The following DDX55 variants were observed in gnomAD, a reference collection of about 807,000 sequenced individuals.
DDX55 encodes ATP-dependent RNA helicase DDX55.
DDX55 carries 56 observed loss-of-function variants against 69.2 expected under a neutral mutation model. The observed-to-expected ratio is 0.81, with a 90% confidence interval of 0.65 to 1.01. The LOEUF (loss-of-function observed/expected upper bound fraction) is 1.01, where lower values mean the gene tolerates loss of function less well. Ranked by LOEUF, DDX55 falls within the 50% of genes least tolerant of loss-of-function variation. The pLI, the probability that DDX55 is intolerant of heterozygous loss-of-function variation, is 0.00. For synonymous variants in DDX55, 268 were observed against 273.1 expected (o/e 0.98, Z 0.18); for missense variants, 720 against 745.1 (o/e 0.97, Z 0.39).
intron 1 of DDX55, among the ~76,000 whole-genome samples, chr12:123,603,373 A>AC (rs1555276318): frequency 6.7e-6 from 1 of 149,720 alleles, no homozygotes; most frequent in Non-Finnish European, 1.5e-5. Context: ...AAAAGACTAC[A>AC]GGACCTGAGG....
At chr12:123,608,500 C>T in intron 5 of DDX55, 180 bp from the exon 6 acceptor site, 1 of 681,780 alleles carries the variant, frequency 1.5e-6, no homozygotes, top group Non-Finnish European at 2.4e-6. Flanking sequence ...GAACCCAGAT[C>T]CCGTCTCACC....
At chr12:123,610,172 G>C in intron 7 of DDX55, 44 bp downstream of exon 7, 1 of 1,575,888 alleles carries the variant, frequency 6.3e-7, no homozygotes, top group Non-Finnish European at 8.6e-7. Context: ...AATGACCAGT[G>C]CTCATTTTAT....
In DDX55 at chr12:123,619,509, T is replaced by C. The variant is rs150436022; in HGVS notation, c.1411T>C (p.Phe471Leu). The C allele has an allele frequency of 1.2e-6, 2 of 1,613,984 alleles. No homozygotes were observed. Among genetic ancestry groups the C allele is most frequent in the Non-Finnish European group, 8.5e-7 (1 of 1,179,948 alleles). Reference sequence around the variant, plus strand: ...GATGCCAGAATTGAGAGGAAAGCAGTTTCCAGATTTTGTGCCCGTGGACGT... The same window carrying C: ...GATGCCAGAATTGAGAGGAAAGCAGCTTCCAGATTTTGTGCCCGTGGACGT... ...PKMPELRGKQ[F>L]PDFVPVDVNT... Residue 471 changes from phenylalanine (F) to leucine (L), a missense_variant, in exon 13 of 14, where the codon TTT becomes CTT. Coordinates refer to ENST00000238146, the MANE Select transcript of DDX55 (RefSeq NM_020936.3).
rs772027304 is a variant in DDX55 at position 123,615,212 on chromosome 12, G to A, written c.852G>A (p.Gly284=). ...FSTCACVEYY[G]KALEVLVKGV... ...CCTGTGCCTGTGTGGAATACTATGG[G>A]AAGGCTCTGGAAGTGCTGGTGAAGG... Residue 284 remains glycine, a synonymous_variant, in exon 9 of 14, where the codon GGG becomes GGA. Transcript: ENST00000238146. 17 of 1,614,126 alleles carry A rather than the reference G, an allele frequency of 1.1e-5. No homozygotes were observed. The highest frequency in any genetic ancestry group is 1.7e-5 in the Admixed American group (1 of 60,028).
chr12:123,613,730 C>T (rs1442401452), intron 8 of DDX55, among the ~76,000 whole-genome samples: 1 of 152,204 alleles, frequency 6.6e-6, no homozygotes, highest in Non-Finnish European at 1.5e-5. Flanking sequence ...AAAAGTGGGT[C>T]ACGTGGTGGC....
chr12:123,620,624 ATAT>A lies in DDX55; in HGVS notation c.*485_*487del, dbSNP rs1566211722. ...TATATATATATATATATATATATAT[ATAT>A]AAGCTCTTTTTTCTGAGGCTATTTT... On this transcript the variant is annotated 3_prime_UTR_variant, in exon 14 of 14. Transcript: ENST00000238146. The A allele has an allele frequency of 4.7e-3, 492 of 104,972 alleles. 10 individuals carry two copies. The highest frequency in any genetic ancestry group is 9.8e-3 in the Middle Eastern group (2 of 204). 6.5% of individuals were successfully genotyped at this position (104,972 alleles called of 1,614,324 possible).
Position 123,616,569 on chromosome 12 carries a change from T to C in DDX55, c.1015T>C (p.Trp339Arg). The C allele has an allele frequency of 3.1e-6, 5 of 1,614,178 alleles. No individual in the cohort carries two copies. The highest frequency in any genetic ancestry group is 4.2e-6 in the Non-Finnish European group (5 of 1,180,026). Residue 339 changes from tryptophan to arginine, a missense_variant, in exon 10 of 14, where the codon TGG becomes CGG. Transcript: ENST00000238146. ...GGGAATTGATATTCCTGAAGTCAAC[T>C]GGGTTTTGCAGTATGACCCTCCCAG... ...ARGIDIPEVN[W>R]VLQYDPPSNA...
chr12:123,617,880 G>T lies in DDX55; in HGVS notation c.1164+8G>T, dbSNP rs1423375887. 2 of 1,597,348 alleles carry T rather than the reference G, an allele frequency of 1.3e-6. No homozygotes were observed. The highest frequency in any genetic ancestry group is 1.7e-6 in the Non-Finnish European group (2 of 1,169,928). ...CTTGCAATTAACCAAAAAGTAAGCT[G>T]CCGTCCGTTTTCAGATAGAATGCCT... On this transcript the variant is annotated splice_region_variant and intron_variant, in intron 11 of 13. Transcript: ENST00000238146.
Position 123,606,128 on chromosome 12 carries a change from T to TAA in DDX55, c.215_216insAA (p.Arg74GlufsTer6), listed in dbSNP as rs769213957. On this transcript the variant is annotated frameshift_variant, in exon 3 of 14. Transcript: ENST00000238146. LOFTEE classifies it high-confidence loss of function. ...GTCATCCCCATCCTGGAAATTCTTC[T>TAA]GAGAAGAGAAGAGAAGTTAAAAAAG... 1 of 1,614,110 alleles carries TAA rather than the reference T, an allele frequency of 6.2e-7. No individual in the cohort carries two copies. The highest frequency in any genetic ancestry group is 8.5e-7 in the Non-Finnish European group (1 of 1,179,994).
chr12:123,607,819 C>A, intron 5 of DDX55, 157 bp downstream of exon 5: 1 of 970,806 alleles, frequency 1.0e-6, no homozygotes, highest in Non-Finnish European at 1.6e-6. Flanking sequence ...TTGTGCTTTG[C>A]TGGCTCCTTC....
intron 8 of DDX55, 135 bp from the exon 9 acceptor site, chr12:123,615,050 A>G: frequency 8.2e-7 from 1 of 1,223,678 alleles, no homozygotes; most frequent in Non-Finnish European, 1.2e-6. Context: ...TTCCACTGCC[A>G]TTTTCCTTGT....
intron 3 of DDX55, among the ~76,000 whole-genome samples, chr12:123,606,611 GAC>G (rs774379243): frequency 3.5e-5 from 5 of 143,990 alleles, no homozygotes; most frequent in Non-Finnish European, 6.0e-5. Flanking sequence ...TTTTCCCTGA[GAC>G]AGGGTTTTGC....
chr12:123,619,970 G>C lies in DDX55; in HGVS notation c.1633G>C (p.Asp545His), dbSNP rs1291853590. 1.1e-5 allele frequency: 17 copies of C among 1,612,702 alleles called. No individual in the cohort carries two copies. The highest frequency in any genetic ancestry group is 1.4e-5 in the Non-Finnish European group (17 of 1,179,496). ...TGGTTTCTTCTGCACTTAGGGTTCT[G>C]ATATTGAAGATGAGGACATGGAAGA... is the stretch of plus-strand genomic sequence containing the variant. ...NEKRKREEGS[D>H]IEDEDMEELL... The change falls in exon 14 of 14, where the codon GAT becomes CAT. Residue 545 changes from aspartate to histidine, a missense_variant. Physicochemically the swap from Asp to His is moderately conservative, Grantham distance 81. Coordinates refer to ENST00000238146, the MANE Select transcript of DDX55 (RefSeq NM_020936.3).
chr12:123,605,032 TTTA>T (rs1456566766), intron 1 of DDX55: 12 of 152,202 alleles, frequency 7.9e-5, no homozygotes, highest in African/African-American at 2.7e-4. Flanking sequence ...TATTTATTTA[TTTA>T]TTGAGGCAGG....
At chr12:123,613,278 G>C (rs750469758) in intron 8 of DDX55, 26 bp downstream of exon 8, 4 of 1,610,360 alleles carry the variant, frequency 2.5e-6, no homozygotes, top group Non-Finnish European at 3.4e-6. Flanking sequence ...CTGTGGTAGA[G>C]GCATCAGGGA....
Position 123,616,072 on chromosome 12 carries a change from A to G in DDX55, c.957-439A>G, listed in dbSNP as rs115996390. 5.7e-3 allele frequency among the ~76,000 whole-genome samples: 861 copies of G among 152,320 alleles called. 8 individuals carry two copies. Among genetic ancestry groups the G allele is most frequent in the African/African-American group, 0.02 (822 of 41,572 alleles). On this transcript the variant is annotated intron_variant, in intron 9 of 13. Transcript: ENST00000238146. ...TACAGCAGGCAACTTGTGTCTACCA[A>G]TGACCATAACTTGTATCTGCTTGTG...
chr12:123,620,535 TGTCA>T lies in DDX55; in HGVS notation c.*398_*401del, dbSNP rs1422566340. The T allele has an allele frequency of 5.6e-5, 8 of 143,304 alleles. No individual in the cohort carries two copies. Among genetic ancestry groups the T allele is most frequent in the African/African-American group, 2.1e-4 (8 of 38,422 alleles). 8.9% of individuals were successfully genotyped at this position (143,304 alleles called of 1,614,324 possible). On this transcript the variant is annotated 3_prime_UTR_variant, in exon 14 of 14. Coordinates refer to ENST00000238146, the MANE Select transcript of DDX55 (RefSeq NM_020936.3). ...AAATTATTTGAGTGTAAATAATAGATGTCAGTATTTATCATGATGGGTCACATAT... is the reference window on the plus strand; with the variant it reads ...AAATTATTTGAGTGTAAATAATAGATGTATTTATCATGATGGGTCACATAT...
chr12:123,617,150 A>G (rs1954737369), intron 10 of DDX55, among the ~76,000 whole-genome samples: 1 of 152,236 alleles, frequency 6.6e-6, no homozygotes, highest in Non-Finnish European at 1.5e-5. Flanking sequence ...TCTCAAAACA[A>G]AAACCCGTTG....
Position 123,615,186 on chromosome 12 carries a change from A to G in DDX55, c.826A>G (p.Thr276Ala). 3.1e-6 allele frequency: 5 copies of G among 1,614,000 alleles called. No individual in the cohort carries two copies. Among genetic ancestry groups the G allele is most frequent in the Non-Finnish European group, 4.2e-6 (5 of 1,179,916 alleles). Residue 276 changes from threonine (T) to alanine (A), a missense_variant and splice_region_variant, in exon 9 of 14, where the codon ACC (threonine) becomes GCC (alanine). Transcript: ENST00000238146. ...KQEKHLVFFSTCACVEYYGKA... is the reference protein window; with the variant it reads ...KQEKHLVFFSACACVEYYGKA... Reference sequence around the variant, plus strand: ...CTAAGCCCTCTGTCCCTCTTGCAGCACCTGTGCCTGTGTGGAATACTATGG... The same window carrying G: ...CTAAGCCCTCTGTCCCTCTTGCAGCGCCTGTGCCTGTGTGGAATACTATGG...
Sources: gnomAD v4.1 joint callset for allele counts (sites outside exome capture counted in the v4.1 genomes callset) on GRCh38, gnomAD v4.1.1 for gene constraint, MANE v1.5 for transcripts, NCBI Gene and HGNC (gene_info 2026-07-23, HGNC 2026-07-21) for gene names.